CLTRN: variants seen among roughly 807,000 people sequenced by gnomAD.
CLTRN encodes the protein collectrin, amino acid transport regulator.
A neutral mutation model predicts 14.5 loss-of-function variants in CLTRN; 12 were observed. The observed-to-expected ratio is 0.83, with a 90% CI of 0.53 to 1.34. CLTRN has a LOEUF of 1.34. Among genes scored for constraint, CLTRN ranks in the 40% most tolerant of loss-of-function variants. The probability of loss-of-function intolerance (pLI) is 0.00; values close to 1 mark genes in which losing one functional copy is unlikely to be tolerated. For missense variants in CLTRN, 154 were observed against 165.1 expected, an observed-to-expected ratio of 0.93 and a Z score of 0.37; for synonymous variants, 58 against 56.5, an observed-to-expected ratio of 1.03 and a Z score of -0.12.
At chrX:15,672,423 T>C (rs866782880) in intron 1 of CLTRN, among the ~76,000 whole-genome samples, 1 of 108,674 alleles carries the variant, frequency 9.2e-6, no homozygotes, top group Non-Finnish European at 1.9e-5. Flanking sequence ...TTTTCCATCC[T>C]TAATCATCAA....
chrX:15,632,309 G>T (rs1018939325), intron 5 of CLTRN, among the ~76,000 whole-genome samples: 3 of 112,573 alleles, frequency 2.7e-5, no homozygotes, highest in South Asian at 3.6e-4. Context: ...CGGGCGTGGT[G>T]GCTCACGCCT....
chrX:15,668,977 G>A (rs1391259119), upstream of CLTRN, among the ~76,000 whole-genome samples: 3 of 111,429 alleles, frequency 2.7e-5, no homozygotes, highest in African/African-American at 6.5e-5. Flanking sequence ...TCTAATACGT[G>A]TATTAATTTT....
At chrX:15,648,942 A>G in intron 3 of CLTRN, among the ~76,000 whole-genome samples, 1 of 112,554 alleles carries the variant, frequency 8.9e-6, no homozygotes, top group African/African-American at 3.2e-5. Context: ...AAAAGGCCAG[A>G]AATCATGTAA....
chrX:15,665,493 T>C (rs1929603818), upstream of CLTRN, among the ~76,000 whole-genome samples: 1 of 112,445 alleles, frequency 8.9e-6, no homozygotes, highest in African/African-American at 3.2e-5. Flanking sequence ...GGAATGATTG[T>C]GTTCAGCCCT....
At chrX:15,642,272 A>G (rs1489437418) in intron 4 of CLTRN, among the ~76,000 whole-genome samples, 1 of 112,025 alleles carries the variant, frequency 8.9e-6, no homozygotes, top group African/African-American at 3.2e-5. Flanking sequence ...GGAATCACCA[A>G]TTGGCATCAA....
intron 1 of CLTRN, chrX:15,674,922 C>G (rs1465779351): frequency 8.8e-6 from 1 of 113,674 alleles, no homozygotes; most frequent in Non-Finnish European, 1.9e-5. Flanking sequence ...AGCGTGTGGC[C>G]TGAGAGGACG....
rs1045754027 is a variant in CLTRN, at chrX:15,651,881, G to A, written c.204-6852C>T. ...ATAACAGAAAAGAGAGGCAGGGAGG[G>A]AAGGAGATTACTTTCCCGAAACTTT... On this transcript the variant is annotated intron_variant, in intron 3 of 5. Transcript: ENST00000380342. Among the ~76,000 whole-genome samples the A allele has an allele frequency of 3.6e-5, 4 of 111,914 alleles. No homozygotes were observed. The South Asian group carries it at 1.5e-3, about 41-fold the overall frequency.
chrX:15,651,269 T>C (rs1390218520), intron 3 of CLTRN, among the ~76,000 whole-genome samples: 1 of 111,595 alleles, frequency 9.0e-6, no homozygotes, highest in Non-Finnish European at 1.9e-5. Context: ...AGGGATATGG[T>C]TAGGAAAAGA....
Position 15,639,746 on chromosome X carries a change from T to C in CLTRN, c.328A>G (p.Asn110Asp). 1 of 1,195,656 alleles carries C rather than the reference T, an allele frequency of 8.4e-7. No individual in the cohort carries two copies. Among genetic ancestry groups the C allele is most frequent in the South Asian group, 1.9e-5 (1 of 53,724 alleles). The stretch of plus-strand genomic sequence containing the variant: ...AGAAAGAAGGCATTGTTGATCCGGT[T>C]CTTGTTCATTCTAAAATGCAATGAT... ...EVQSAIRMNK[N>D]RINNAFFLND... is the part of the protein sequence containing the mutation. Residue 110 changes from asparagine to aspartate, a missense_variant, in exon 5 of 6, where the codon AAC becomes GAC. Transcript: ENST00000380342.
intron 1 of CLTRN, among the ~76,000 whole-genome samples, chrX:15,669,834 T>C (rs944919975): frequency 8.9e-6 from 1 of 112,484 alleles, no homozygotes; most frequent in African/African-American, 3.2e-5. Context: ...CTAAAATTAG[T>C]AAACTGTAAA....
chrX:15,658,709 AT>A (rs1401368359), intron 3 of CLTRN, among the ~76,000 whole-genome samples: 1 of 55,063 alleles, frequency 1.8e-5, no homozygotes, highest in East Asian at 1.9e-3. Flanking sequence ...CTGCAAGAAA[AT>A]TATATATATA....
At chrX:15,645,445 C>A (rs1243349934) in intron 3 of CLTRN, among the ~76,000 whole-genome samples, 1 of 111,465 alleles carries the variant, frequency 9.0e-6, no homozygotes, top group African/African-American at 3.3e-5. Flanking sequence ...CAGAGAGGAT[C>A]TGCTGCCCCC....
At chrX:15,660,043 G>A (rs1385547223) in intron 2 of CLTRN, among the ~76,000 whole-genome samples, 3 of 111,583 alleles carry the variant, frequency 2.7e-5, no homozygotes, top group Admixed American at 9.5e-5. Flanking sequence ...AAGCAGGAAG[G>A]GAGAAAGTAG....
intron 3 of CLTRN, among the ~76,000 whole-genome samples, chrX:15,657,230 G>A (rs1258477717): frequency 8.9e-6 from 1 of 112,013 alleles, no homozygotes; most frequent in Non-Finnish European, 1.9e-5. Context: ...GAACTCCTGG[G>A]CTCAAGTGAT....
chrX:15,675,256 G>A (rs1164237878), upstream of CLTRN, among the ~76,000 whole-genome samples: 2 of 112,334 alleles, frequency 1.8e-5, no homozygotes, highest in Non-Finnish European at 3.8e-5. Flanking sequence ...CCCAAGGGAG[G>A]GAGGTGGGGT....
rs753295306 is a variant in CLTRN, at chrX:15,670,308, AACACAC to A, written c.-505-2378_-505-2373del. ...TAAAAAAAACAAAAACCAAAAACAA[AACACAC>A]ACACACACACACACACACACACACA... On this transcript the variant is annotated intron_variant, in intron 1 of 6. Transcript: ENST00000650271. Among the ~76,000 whole-genome samples the A allele has an allele frequency of 5.0e-3, 435 of 86,287 alleles. 2 individuals carry two copies. Among genetic ancestry groups the A allele is most frequent in the African/African-American group, 0.017 (401 of 23,361 alleles). 74.9% of individuals were successfully genotyped at this position (86,287 alleles called of 115,157 possible). A position where few individuals can be genotyped will look rare whatever the true frequency, so the allele number is the denominator to read the frequency against.
intron 3 of CLTRN, among the ~76,000 whole-genome samples, chrX:15,653,405 C>T (rs1929274115): frequency 9.0e-6 from 1 of 110,688 alleles, no homozygotes; most frequent in Non-Finnish European, 1.9e-5. Flanking sequence ...TTGGTATCAA[C>T]GTTGTCATCC....
chrX:15,634,447 CCATCACCATCACCAT>C (rs1350361283), intron 5 of CLTRN, among the ~76,000 whole-genome samples: 1 of 110,091 alleles, frequency 9.1e-6, no homozygotes, highest in African/African-American at 3.3e-5. Flanking sequence ...AACTTCATCA[CCATCACCATCACCAT>C]CATCACCATC....
chrX:15,667,103 G>A (rs1473861966), upstream of CLTRN, among the ~76,000 whole-genome samples: 2 of 111,381 alleles, frequency 1.8e-5, no homozygotes, highest in African/African-American at 6.5e-5. Flanking sequence ...CGGGCGTGGT[G>A]GCAGGTGCCT....
Sources: allele counts gnomAD v4.1 joint callset (sites outside exome capture counted in the v4.1 genomes callset), GRCh38; gene constraint gnomAD v4.1.1; transcripts MANE v1.5; gene names NCBI Gene and HGNC (gene_info 2026-07-23, HGNC 2026-07-21).